The following RCAN2 variants were observed in gnomAD, a reference collection of about 807,000 sequenced individuals.
RCAN2 encodes regulator of calcineurin 2.
In RCAN2, 9 loss-of-function variants were observed where a neutral mutation model predicts 23.6. The ratio of observed to expected loss-of-function variants is 0.38; its 90% CI spans 0.23 to 0.67. RCAN2 has a LOEUF of 0.67. Among genes scored for constraint, RCAN2 ranks in the 30% least tolerant of loss-of-function variants. The pLI, the probability that RCAN2 is intolerant of heterozygous loss-of-function variation, is 0.51. For synonymous variants in RCAN2, 109 were observed against 115.7 expected, an observed-to-expected ratio of 0.94 and a Z score of 0.37; for missense variants, 273 against 302.3, an observed-to-expected ratio of 0.90 and a Z score of 0.72.
chr6:46,287,193 A>C (rs1762402473), intron 2 of RCAN2, among the ~76,000 whole-genome samples: 1 of 152,192 alleles, frequency 6.6e-6, no homozygotes, highest in Non-Finnish European at 1.5e-5. Flanking sequence ...CACACCTAGC[A>C]CACCAAGGCC....
intron 2 of RCAN2, among the ~76,000 whole-genome samples, chr6:46,336,193 C>T (rs1032662331): frequency 6.6e-6 from 1 of 152,142 alleles, no homozygotes; most frequent in Non-Finnish European, 1.5e-5. Flanking sequence ...CTCGAAGTAA[C>T]TTTAGAAGAA....
intron 2 of RCAN2, among the ~76,000 whole-genome samples, chr6:46,310,914 C>G (rs983396912): frequency 6.6e-6 from 1 of 152,100 alleles, no homozygotes; most frequent in East Asian, 1.9e-4. Context: ...ACTGCTGTGT[C>G]TTTAAGAGAG....
intron 2 of RCAN2, among the ~76,000 whole-genome samples, chr6:46,345,156 A>G (rs1764443927): frequency 6.6e-6 from 1 of 152,124 alleles, no homozygotes; most frequent in Non-Finnish European, 1.5e-5. Flanking sequence ...AAGAATTATT[A>G]GAAATTAGGA....
At chr6:46,400,854 T>C (rs1766229325) in intron 2 of RCAN2, among the ~76,000 whole-genome samples, 1 of 152,174 alleles carries the variant, frequency 6.6e-6, no homozygotes, top group Non-Finnish European at 1.5e-5. Flanking sequence ...CTATTCCCTA[T>C]GGAAGGCAAG....
chr6:46,450,191 G>A (rs1461644845), intron 2 of RCAN2, among the ~76,000 whole-genome samples: 2 of 151,910 alleles, frequency 1.3e-5, no homozygotes, highest in Non-Finnish European at 2.9e-5. Context: ...ACCAGTAAGT[G>A]TATTAAAAAG....
chr6:46,392,556 A>C lies in RCAN2; in HGVS notation c.225+64196T>G, dbSNP rs139128337. The stretch of plus-strand genomic sequence containing the variant: ...CACTTAATGGAGGATGGGGAAGACC[A>C]TCCATAACAAGGAAGCACAGAAAAT... On this transcript the variant is annotated intron_variant, in intron 2 of 4. Transcript: ENST00000371374. Among the ~76,000 whole-genome samples, 289 of 152,334 alleles carry C rather than the reference A, an allele frequency of 1.9e-3. 1 individual carries two copies. The highest frequency in any genetic ancestry group is 6.8e-3 in the Middle Eastern group (2 of 294).
chr6:46,432,431 T>C (rs897968427), intron 2 of RCAN2, among the ~76,000 whole-genome samples: 7 of 152,172 alleles, frequency 4.6e-5, no homozygotes, highest in African/African-American at 1.7e-4. Flanking sequence ...CAGGCTGGTC[T>C]CGAACTCCTG....
At chr6:46,242,245 T>C (rs895928658) in intron 4 of RCAN2, among the ~76,000 whole-genome samples, 5 of 152,376 alleles carry the variant, frequency 3.3e-5, no homozygotes, top group Admixed American at 1.3e-4. Flanking sequence ...GAATTGGACT[T>C]GTCCCTCTCT....
intron 1 of RCAN2, among the ~76,000 whole-genome samples, chr6:46,477,528 AG>A (rs1768748661): frequency 6.6e-6 from 1 of 152,146 alleles, no homozygotes; most frequent in African/African-American, 2.4e-5. Context: ...TCAAATGTGG[AG>A]GAAGATATTA....
At chr6:46,258,009 A>G (rs954444696) in intron 2 of RCAN2, among the ~76,000 whole-genome samples, 1 of 152,208 alleles carries the variant, frequency 6.6e-6, no homozygotes, top group African/African-American at 2.4e-5. Flanking sequence ...TTTCCAAATG[A>G]TGCTATACGC....
intron 2 of RCAN2, among the ~76,000 whole-genome samples, chr6:46,276,926 G>A (rs1474834370): frequency 6.6e-6 from 1 of 152,218 alleles, no homozygotes; most frequent in Non-Finnish European, 1.5e-5. Flanking sequence ...AGATGCCTGG[G>A]TTGACTTCCC....
At chr6:46,283,113 G>T (rs1348238) in intron 2 of RCAN2, among the ~76,000 whole-genome samples, 1,874 of 152,256 alleles carry the variant, frequency 0.012, 41 homozygotes, top group African/African-American at 0.04. Context: ...GAGTGACCAA[G>T]GCAGCACTGC....
At chr6:46,362,184 C>T (rs1765035973) in intron 2 of RCAN2, among the ~76,000 whole-genome samples, 1 of 152,184 alleles carries the variant, frequency 6.6e-6, no homozygotes, top group South Asian at 2.1e-4. Context: ...AGATGTGTCA[C>T]CCCACTTCTG....
intron 2 of RCAN2, among the ~76,000 whole-genome samples, chr6:46,452,485 A>G (rs1374243257): frequency 6.6e-6 from 1 of 152,200 alleles, no homozygotes; most frequent in Non-Finnish European, 1.5e-5. Flanking sequence ...CTAAGCCAGC[A>G]CTACTTGGCA....
At chr6:46,415,905 G>A (rs527838547) in intron 2 of RCAN2, among the ~76,000 whole-genome samples, 2 of 152,266 alleles carry the variant, frequency 1.3e-5, no homozygotes, top group South Asian at 2.1e-4. Context: ...ATAAAATGAT[G>A]TAATATTTGC....
At chr6:46,298,990 G>C (rs1055362795) in intron 2 of RCAN2, among the ~76,000 whole-genome samples, 18 of 152,012 alleles carry the variant, frequency 1.2e-4, no homozygotes, top group African/African-American at 4.3e-4. Flanking sequence ...ATTATCTTAA[G>C]GGAACTCATA....
At chr6:46,450,243 G>A (rs563282041) in intron 2 of RCAN2, among the ~76,000 whole-genome samples, 13 of 152,038 alleles carry the variant, frequency 8.6e-5, no homozygotes, top group African/African-American at 2.6e-4. Flanking sequence ...AAATTATACC[G>A]CAATGAAATA....
At chr6:46,243,822 A>AAC (rs1766406572) in intron 4 of RCAN2, among the ~76,000 whole-genome samples, 1 of 150,848 alleles carries the variant, frequency 6.6e-6, no homozygotes, top group Non-Finnish European at 1.5e-5. Flanking sequence ...AAAAAAAAAA[A>AAC]AAAAAAAAAA....
At chr6:46,246,243 T>C (rs1406297928) in intron 4 of RCAN2, among the ~76,000 whole-genome samples, 1 of 152,152 alleles carries the variant, frequency 6.6e-6, no homozygotes, top group Admixed American at 6.5e-5. Context: ...GTGACTAAGA[T>C]TTTTTTAAAG....
Sources: allele counts gnomAD v4.1 joint callset (sites outside exome capture counted in the v4.1 genomes callset), GRCh38; gene constraint gnomAD v4.1.1; transcripts MANE v1.5; gene names NCBI Gene and HGNC (gene_info 2026-07-23, HGNC 2026-07-21).